Variants in SUGCT observed in about 807,000 individuals in gnomAD.
The protein encoded by SUGCT is succinyl-CoA:glutarate-CoA transferase, also known as succinyl-CoA:glutarate CoA-transferase.
SUGCT carries 41 observed loss-of-function variants against 55.0 expected under a neutral mutation model. The ratio of observed to expected loss-of-function variants is 0.74; its 90% CI spans 0.58 to 0.97. The LOEUF (loss-of-function observed/expected upper bound fraction) is 0.97. Ranked by LOEUF, SUGCT falls within the 50% of genes least tolerant of loss-of-function variation. SUGCT has a pLI of 0.00. For missense variants in SUGCT, 568 were observed against 547.8 expected (o/e 1.04, Z -0.37); for synonymous variants, 187 against 200.4 (o/e 0.93, Z 0.56).
chr7:40,869,607 T>C, the SUGCT span, among the ~76,000 whole-genome samples: 1 of 152,236 alleles, frequency 6.6e-6, no homozygotes, highest in South Asian at 2.1e-4. Context: ...GCTGTTGTTT[T>C]AAGCCTCTAA....
Position 40,259,535 on chromosome 7 carries a change from C to T in SUGCT, c.577-14978C>T, listed in dbSNP as rs565488800. Among the ~76,000 whole-genome samples the T allele has an allele frequency of 5.7e-4, 86 of 152,142 alleles. 1 individual carries two copies. Among genetic ancestry groups the T allele is most frequent in the African/African-American group, 2.0e-3 (85 of 41,502 alleles). On this transcript the variant is annotated intron_variant, in intron 7 of 13. Coordinates refer to ENST00000335693, the MANE Select transcript of SUGCT (RefSeq NM_001193313.2). ...CTTGGTGGAGCCATTCTACAATGTG[C>T]ATATGTTTCAAAATATGTTGTACAC...
chr7:40,518,497 A>G (rs1424738599), intron 12 of SUGCT, among the ~76,000 whole-genome samples: 2 of 152,116 alleles, frequency 1.3e-5, no homozygotes, highest in African/African-American at 4.8e-5. Flanking sequence ...ACCAATGTCA[A>G]CTCAGATGTT....
chr7:40,985,333 T>G, the SUGCT span, among the ~76,000 whole-genome samples: 1 of 152,170 alleles, frequency 6.6e-6, no homozygotes, highest in African/African-American at 2.4e-5. Flanking sequence ...CGTTGAGCTT[T>G]CATTACAAAA....
At chr7:40,451,985 C>G (rs1198326122) in intron 10 of SUGCT, among the ~76,000 whole-genome samples, 1 of 152,230 alleles carries the variant, frequency 6.6e-6, no homozygotes, top group Non-Finnish European at 1.5e-5. Context: ...GATGGGACAA[C>G]TTTAGTTCCT....
intron 5 of SUGCT, among the ~76,000 whole-genome samples, chr7:40,194,540 AGAG>A (rs1268800328): frequency 6.6e-6 from 1 of 152,264 alleles, no homozygotes; most frequent in African/African-American, 2.4e-5. Flanking sequence ...TGCTGAGATT[AGAG>A]GAGTGAACAA....
intron 5 of SUGCT, among the ~76,000 whole-genome samples, chr7:40,192,238 C>T (rs368721104): frequency 3.1e-4 from 47 of 151,842 alleles, no homozygotes; most frequent in African/African-American, 9.9e-4. Context: ...AGGCAATCAG[C>T]TGGATACATG....
At chr7:40,670,191 A>G (rs975853502) in intron 12 of SUGCT, among the ~76,000 whole-genome samples, 122 of 148,726 alleles carry the variant, frequency 8.2e-4, no homozygotes, top group African/African-American at 2.1e-3. Context: ...AAAAAAAAAA[A>G]AAGAAGAAGA....
At chr7:40,702,411 T>TA (rs1197407876) in intron 12 of SUGCT, among the ~76,000 whole-genome samples, 2 of 152,234 alleles carry the variant, frequency 1.3e-5, no homozygotes, top group Non-Finnish European at 2.9e-5. Context: ...ACTTTTTCTG[T>TA]AAAAAATACC....
intron 8 of SUGCT, among the ~76,000 whole-genome samples, chr7:40,275,372 AG>A (rs1181085313): frequency 3.3e-5 from 5 of 152,220 alleles, no homozygotes; most frequent in Admixed American, 6.5e-5. Context: ...TAAGGTACTT[AG>A]GATTACAAAG....
chr7:40,877,779 C>T, the SUGCT span, among the ~76,000 whole-genome samples: 1 of 152,214 alleles, frequency 6.6e-6, no homozygotes, highest in African/African-American at 2.4e-5. Context: ...GCTGCTGAAT[C>T]TTCTTTGGTT....
the SUGCT span, among the ~76,000 whole-genome samples, chr7:40,959,148 G>A: frequency 6.6e-6 from 1 of 152,182 alleles, no homozygotes; most frequent in Non-Finnish European, 1.5e-5. Context: ...CAGGGGTCAG[G>A]GATCCACTTG....
chr7:40,618,144 A>C (rs533357610), intron 12 of SUGCT, among the ~76,000 whole-genome samples: 1 of 152,140 alleles, frequency 6.6e-6, no homozygotes, highest in Non-Finnish European at 1.5e-5. Flanking sequence ...TATTACTGCT[A>C]TCTTTCTTTT....
chr7:40,960,728 A>G, the SUGCT span, among the ~76,000 whole-genome samples: 1 of 152,226 alleles, frequency 6.6e-6, no homozygotes, highest in South Asian at 2.1e-4. Context: ...ACAGAAAATG[A>G]GAAATATTTC....
chr7:40,285,771 T>G (rs1327173064), intron 8 of SUGCT, among the ~76,000 whole-genome samples: 1 of 152,170 alleles, frequency 6.6e-6, no homozygotes, highest in African/African-American at 2.4e-5. Flanking sequence ...TTTTAATGTT[T>G]ATAATTGGTT....
intron 6 of SUGCT, among the ~76,000 whole-genome samples, chr7:40,196,203 G>T (rs1280544535): frequency 2.0e-5 from 3 of 152,098 alleles, no homozygotes; most frequent in Non-Finnish European, 1.5e-5. Flanking sequence ...AAAAAGTCAC[G>T]GTGTTACTTA....
At chr7:40,639,287 C>T (rs575471450) in intron 12 of SUGCT, among the ~76,000 whole-genome samples, 1 of 151,972 alleles carries the variant, frequency 6.6e-6, no homozygotes, top group Non-Finnish European at 1.5e-5. Context: ...CCCAGTATAG[C>T]GCCCAGCAAA....
chr7:40,942,337 T>C, the SUGCT span, among the ~76,000 whole-genome samples: 1 of 152,168 alleles, frequency 6.6e-6, no homozygotes, highest in East Asian at 1.9e-4. Flanking sequence ...TTTTACTGGA[T>C]ACAAAATTAT....
chr7:40,963,189 GT>G, the SUGCT span, among the ~76,000 whole-genome samples: 200 of 149,216 alleles, frequency 1.3e-3, 1 homozygote, highest in African/African-American at 4.2e-3. Flanking sequence ...AAGAATATTG[GT>G]TTTTTTTTTG....
chr7:40,946,529 G>A, the SUGCT span, among the ~76,000 whole-genome samples: 1 of 152,164 alleles, frequency 6.6e-6, no homozygotes, highest in Non-Finnish European at 1.5e-5. Context: ...GCTCCTATGT[G>A]CTTATCTGCT....
Sources: allele counts gnomAD v4.1 joint callset (sites outside exome capture counted in the v4.1 genomes callset), GRCh38; gene constraint gnomAD v4.1.1; transcripts MANE v1.5; gene names NCBI Gene and HGNC (gene_info 2026-07-23, HGNC 2026-07-21).